Variants in THADA observed in about 807,000 individuals in gnomAD.
THADA encodes the protein THADA armadillo repeat containing.
Under a neutral mutation model 219.8 loss-of-function variants are expected in THADA, and 213 were observed. The ratio of observed to expected loss-of-function variants is 0.97; its 90% CI spans 0.87 to 1.09. The LOEUF is 1.09. THADA is among the 50% of genes least tolerant of loss of function. THADA has a pLI of 0.00. For synonymous variants in THADA, 1,018 were observed against 828.9 expected, an observed-to-expected ratio of 1.23 and a Z score of -3.92; for missense variants, 2,956 against 2,311.3, an observed-to-expected ratio of 1.28 and a Z score of -5.72.
At chr2:43,419,882 A>G (rs1677470845) in intron 28 of THADA, among the ~76,000 whole-genome samples, 1 of 152,206 alleles carries the variant, frequency 6.6e-6, no homozygotes. Flanking sequence ...CTCAGGACAA[A>G]TACTGTTCTT....
intron 19 of THADA, among the ~76,000 whole-genome samples, chr2:43,550,106 G>A (rs1051800286): frequency 2.6e-5 from 4 of 152,152 alleles, no homozygotes; most frequent in East Asian, 1.9e-4. Context: ...ACTGAGTGAC[G>A]AGTGCCTATA....
chr2:43,590,736 A>G, intron 4 of THADA, 88 bp downstream of exon 4: 1 of 1,405,506 alleles, frequency 7.1e-7, no homozygotes, highest in African/African-American at 1.4e-5. Context: ...GTATCAGTTC[A>G]GTTTTATCAA....
At chr2:43,577,320 A>T in intron 9 of THADA, 78 bp from the exon 10 acceptor site, 2 of 1,130,716 alleles carry the variant, frequency 1.8e-6, no homozygotes, top group Non-Finnish European at 1.3e-6. Flanking sequence ...AAACCCAAAC[A>T]TCTCTTTCCC....
chr2:43,387,399 G>A (rs904451710), intron 29 of THADA, among the ~76,000 whole-genome samples: 18 of 152,176 alleles, frequency 1.2e-4, no homozygotes, highest in Admixed American at 9.8e-4. Context: ...TTTTCCAGTA[G>A]AAAGACAGAA....
intron 35 of THADA, among the ~76,000 whole-genome samples, chr2:43,285,469 T>G (rs1161846414): frequency 2.0e-5 from 3 of 152,190 alleles, no homozygotes; most frequent in African/African-American, 7.2e-5. Flanking sequence ...CCATAATTGT[T>G]AAGTTTCCTG....
At chr2:43,385,606 C>CAAAA (rs532857816) in intron 29 of THADA, among the ~76,000 whole-genome samples, 43 of 49,720 alleles carry the variant, frequency 8.6e-4, no homozygotes, top group African/African-American at 1.0e-3. Flanking sequence ...GACTCCGTCT[C>CAAAA]AAAAAAAAAA....
In THADA at chr2:43,541,256, C is replaced by T. The variant is rs761836630; in HGVS notation, c.3167G>A (p.Ser1056Asn). The part of the protein sequence containing the change: ...AQMVLVCCWR[S>N]MKEVALLLGM... The stretch of plus-strand genomic sequence containing the variant: ...TAAAAGTAAAGCAACTTCCTTCATA[C>T]TTCTCCAACAACATACCAGCACCAT... The change falls in exon 21 of 38, where the codon AGT becomes AAT. Residue 1056 changes from serine (S) to asparagine (N), a missense_variant. By Grantham distance (46) the Ser-to-Asn change is conservative. Coordinates refer to ENST00000405975, the MANE Select transcript of THADA (RefSeq NM_022065.5). 2.5e-6 allele frequency: 4 copies of T among 1,612,856 alleles called. No individual in the cohort carries two copies. The highest frequency in any genetic ancestry group is 3.4e-6 in the Non-Finnish European group (4 of 1,179,430).
intron 31 of THADA, among the ~76,000 whole-genome samples, chr2:43,311,439 CT>C (rs1428011485): frequency 6.6e-6 from 1 of 152,186 alleles, no homozygotes; most frequent in Non-Finnish European, 1.5e-5. Flanking sequence ...GTTGCAGACT[CT>C]TTGGAAACAA....
chr2:43,311,763 G>A (rs1294281778), intron 31 of THADA, among the ~76,000 whole-genome samples: 1 of 152,158 alleles, frequency 6.6e-6, no homozygotes, highest in Non-Finnish European at 1.5e-5. Flanking sequence ...AGGCCACAAA[G>A]GTATGATTCC....
intron 31 of THADA, among the ~76,000 whole-genome samples, chr2:43,303,289 A>C (rs570532363): frequency 3.0e-4 from 45 of 152,302 alleles, no homozygotes; most frequent in South Asian, 6.2e-4. Flanking sequence ...ATTCCAGTGT[A>C]ATGTCTGCAA....
At chr2:43,447,311 T>C (rs970072493) in intron 26 of THADA, among the ~76,000 whole-genome samples, 15 of 152,062 alleles carry the variant, frequency 9.9e-5, no homozygotes, top group African/African-American at 3.6e-4. Context: ...TATCAAACCA[T>C]ATCTATATTA....
intron 21 of THADA, among the ~76,000 whole-genome samples, chr2:43,533,630 T>C (rs1042908424): frequency 6.6e-6 from 1 of 152,064 alleles, no homozygotes; most frequent in African/African-American, 2.4e-5. Flanking sequence ...CTCAGCAAAC[T>C]AACACAGGAA....
chr2:43,533,499 T>C (rs543042065), intron 21 of THADA, among the ~76,000 whole-genome samples: 4 of 152,228 alleles, frequency 2.6e-5, no homozygotes, highest in African/African-American at 9.6e-5. Flanking sequence ...CAAATGCCCA[T>C]CAATGATAGA....
At position 43,291,786 on chromosome 2, in the gene THADA, C is replaced by CA. The variant is rs1211508357; in HGVS notation, c.4938-19dup. 38 of 1,529,270 alleles carry CA rather than the reference C, an allele frequency of 2.5e-5. 2 individuals carry two copies. Among genetic ancestry groups the CA allele is most frequent in the Middle Eastern group, 3.4e-4 (2 of 5,890 alleles). 94.7% of individuals were successfully genotyped at this position (1,529,270 alleles called of 1,614,324 possible). A position where few individuals can be genotyped will look rare whatever the true frequency, so the allele number is the denominator to read the frequency against. ...TTTCAGATCTAGAAAAATAAACAAACAAAAAAACAACACAAAATTACAATC... is the reference window on the plus strand; with the variant it reads ...TTTCAGATCTAGAAAAATAAACAAACAAAAAAAACAACACAAAATTACAATC... On this transcript the variant is annotated intron_variant, in intron 33 of 37. Coordinates refer to ENST00000405975, the MANE Select transcript of THADA (RefSeq NM_022065.5).
intron 25 of THADA, among the ~76,000 whole-genome samples, chr2:43,496,397 C>A (rs1319122173): frequency 6.6e-6 from 1 of 152,128 alleles, no homozygotes; most frequent in African/African-American, 2.4e-5. Flanking sequence ...GGACAGTGAA[C>A]ATATTACAAA....
chr2:43,473,687 C>T (rs1190937274), intron 26 of THADA, among the ~76,000 whole-genome samples: 1 of 152,052 alleles, frequency 6.6e-6, no homozygotes, highest in African/African-American at 2.4e-5. Context: ...TGGCTCACCA[C>T]AACCTCTGCC....
chr2:43,456,057 T>C (rs1417654075), intron 26 of THADA, among the ~76,000 whole-genome samples: 1 of 152,196 alleles, frequency 6.6e-6, no homozygotes, highest in Non-Finnish European at 1.5e-5. Flanking sequence ...CAGAGACTCA[T>C]TGAAACTCAT....
chr2:43,278,480 C>T (rs1672978316), intron 36 of THADA, among the ~76,000 whole-genome samples: 1 of 152,164 alleles, frequency 6.6e-6, no homozygotes, highest in African/African-American at 2.4e-5. Flanking sequence ...TAAGCAAATG[C>T]TGCAATTGGA....
intron 26 of THADA, among the ~76,000 whole-genome samples, chr2:43,448,560 C>CTTTTTTTTTTTTTTTTTTTTTTTTTTTTT (rs71410179): frequency 9.6e-6 from 1 of 103,630 alleles, no homozygotes; most frequent in Non-Finnish European, 1.9e-5. Context: ...TTCTTCCTTT[C>CTTTTTTTTTTTTTTTTTTTTTTTTTTTTT]TTTTTTTTTT....
Sources: gnomAD v4.1 joint callset for allele counts (sites outside exome capture counted in the v4.1 genomes callset) on GRCh38, gnomAD v4.1.1 for gene constraint, MANE v1.5 for transcripts, NCBI Gene and HGNC (gene_info 2026-07-23, HGNC 2026-07-21) for gene names.